FNDC1: variants seen among roughly 807,000 people sequenced by gnomAD.
FNDC1 encodes fibronectin type III domain-containing protein 1.
Under a neutral mutation model 168.0 loss-of-function variants are expected in FNDC1, and 96 were observed. That is an observed-to-expected ratio of 0.57 (90% CI 0.48 to 0.68). FNDC1 has a LOEUF of 0.68. FNDC1 is among the 30% of genes least tolerant of loss of function. The pLI, the probability that FNDC1 is intolerant of heterozygous loss-of-function variation, is 0.00. For missense variants in FNDC1, 2,587 were observed against 2,482.1 expected, an observed-to-expected ratio of 1.04 and a Z score of -0.90; for synonymous variants, 1,099 against 1,025.9, an observed-to-expected ratio of 1.07 and a Z score of -1.36.
At chr6:159,214,782 C>T (rs1241466828) in intron 4 of FNDC1, among the ~76,000 whole-genome samples, 163 bp from the exon 5 acceptor site, 1 of 152,108 alleles carries the variant, frequency 6.6e-6, no homozygotes, top group Non-Finnish European at 1.5e-5. Context: ...AGTATTGATA[C>T]CCTTGGGGGA....
chr6:159,191,962 C>CA (rs1782151189), intron 1 of FNDC1, among the ~76,000 whole-genome samples: 1 of 152,130 alleles, frequency 6.6e-6, no homozygotes, highest in African/African-American at 2.4e-5. Flanking sequence ...CCTGCCCTCC[C>CA]AGGCTCAAGC....
At chr6:159,209,075 G>A (rs562744267) in intron 4 of FNDC1, among the ~76,000 whole-genome samples, 2 of 152,224 alleles carry the variant, frequency 1.3e-5, no homozygotes, top group Non-Finnish European at 2.9e-5. Context: ...CCGAACTCCC[G>A]ACCTCAGGAG....
rs540365789 is a variant in FNDC1, at chr6:159,245,680, C to T, written c.4622-1221C>T. The stretch of plus-strand genomic sequence containing the variant: ...AGATGCCTTTTATGCTTAAATCACT[C>T]ACCTTTCTTAAATCACTCATATGTT... On this transcript the variant is annotated intron_variant, in intron 14 of 22. Coordinates refer to ENST00000297267, the MANE Select transcript of FNDC1 (RefSeq NM_032532.3). 8.6e-4 allele frequency among the ~76,000 whole-genome samples: 131 copies of T among 152,292 alleles called. 1 individual carries two copies. The highest frequency in any genetic ancestry group is 6.4e-3 in the South Asian group (31 of 4,822).
In FNDC1 at chr6:159,234,216, G is replaced by A. The variant is rs746426012; in HGVS notation, c.3704G>A (p.Gly1235Glu). ...EPAIALAPRG[G>E]SLAPVKRPLP... ...GCCATCGCGCTTGCCCCTCGCGGAGGGAGCCTGGCTCCTGTGAAGCGACCT... is the reference window on the plus strand; with the variant it reads ...GCCATCGCGCTTGCCCCTCGCGGAGAGAGCCTGGCTCCTGTGAAGCGACCT... Residue 1235 changes from glycine to glutamate, a missense_variant, in exon 11 of 23, where the codon GGG becomes GAG. Gly to Glu is a moderately conservative substitution (Grantham distance 98). Transcript: ENST00000297267. 7.5e-6 allele frequency: 12 copies of A among 1,595,240 alleles called. No homozygotes were observed. The African/African-American group carries it at 8.0e-5, about 11-fold the overall frequency.
intron 2 of FNDC1, among the ~76,000 whole-genome samples, chr6:159,198,226 T>G (rs572148023): frequency 3.3e-5 from 5 of 152,364 alleles, no homozygotes; most frequent in Non-Finnish European, 5.9e-5. Flanking sequence ...TGTCTTCTAT[T>G]TTTGATTCCA....
intron 14 of FNDC1, among the ~76,000 whole-genome samples, chr6:159,245,544 T>C (rs1380347009): frequency 6.6e-6 from 1 of 152,150 alleles, no homozygotes; most frequent in Non-Finnish European, 1.5e-5. Context: ...AGTGAGATGT[T>C]CTCCTTTTTA....
chr6:159,198,600 AT>A (rs1228605824), intron 2 of FNDC1, among the ~76,000 whole-genome samples: 1 of 152,204 alleles, frequency 6.6e-6, no homozygotes, highest in Non-Finnish European at 1.5e-5. Flanking sequence ...TTAAATGGAG[AT>A]TCTATCAGAT....
intron 11 of FNDC1, among the ~76,000 whole-genome samples, chr6:159,234,971 T>TGTCTTTATCTTGTTCTC (rs1180128755): frequency 1.3e-5 from 2 of 152,378 alleles, no homozygotes; most frequent in East Asian, 3.9e-4. Flanking sequence ...ATCTTGTTCT[T>TGTCTTTATCTTGTTCTC]GTCTTTATCT....
chr6:159,238,430 A>T, intron 12 of FNDC1, 124 bp from the exon 13 acceptor site: 1 of 627,870 alleles, frequency 1.6e-6, no homozygotes, highest in Non-Finnish European at 2.7e-6. Flanking sequence ...GACAAAAAGA[A>T]TGTCTTCTAC....
chr6:159,250,060 C>T (rs211494), intron 16 of FNDC1, among the ~76,000 whole-genome samples: 82,042 of 152,120 alleles, frequency 0.54, 25,468 homozygotes, highest in Non-Finnish European at 0.69. Context: ...ACTTCTCTCC[C>T]GGCAGTTCCA....
At chr6:159,251,265 T>G (rs1178489451) in intron 16 of FNDC1, 37 bp from the exon 17 acceptor site, 4 of 1,525,332 alleles carry the variant, frequency 2.6e-6, no homozygotes, top group Admixed American at 3.5e-5. Context: ...AGAAAAAGCC[T>G]CCAGCAATCC....
At chr6:159,224,819 A>G (rs542437507) in intron 7 of FNDC1, among the ~76,000 whole-genome samples, 1 of 152,370 alleles carries the variant, frequency 6.6e-6, no homozygotes, top group South Asian at 2.1e-4. Context: ...AAGAGGCCAC[A>G]AAGACAATTT....
intron 1 of FNDC1, among the ~76,000 whole-genome samples, chr6:159,191,637 G>A (rs1482895020): frequency 1.3e-5 from 2 of 152,148 alleles, no homozygotes. Context: ...AAAAATGTAA[G>A]CATGCTTATC....
At chr6:159,182,451 C>G (rs947417716) in intron 1 of FNDC1, among the ~76,000 whole-genome samples, 4 of 152,284 alleles carry the variant, frequency 2.6e-5, no homozygotes, top group African/African-American at 7.2e-5. Context: ...TGGGGAAAAT[C>G]TCTAGTAAAA....
At chr6:159,239,244 C>T (rs1783343170) in intron 13 of FNDC1, among the ~76,000 whole-genome samples, 1 of 152,148 alleles carries the variant, frequency 6.6e-6, no homozygotes, top group Non-Finnish European at 1.5e-5. Flanking sequence ...CTTCCTGGCC[C>T]TTTACAGAAG....
intron 5 of FNDC1, among the ~76,000 whole-genome samples, chr6:159,218,131 A>T (rs1225018748): frequency 6.6e-6 from 1 of 152,188 alleles, no homozygotes; most frequent in Non-Finnish European, 1.5e-5. Flanking sequence ...AACGGCACAC[A>T]CTAAAGTGGC....
In FNDC1 at chr6:159,251,456, C is replaced by T. The variant is rs772691654; in HGVS notation, c.4989C>T (p.Thr1663=). The change falls in exon 17 of 23, where the codon ACC becomes ACT. Residue 1663 remains threonine (T), a synonymous_variant. Coordinates refer to ENST00000297267, the MANE Select transcript of FNDC1 (RefSeq NM_032532.3). ...CCCAGCATGCTCCCCGCAACATCAC[C>T]GTGGTGGCCGTGGAAGGTTGCCACT... The part of the protein sequence containing the change: ...LPPQHAPRNI[T]VVAVEGCHSF... 5.1e-5 allele frequency: 83 copies of T among 1,613,948 alleles called. No individual in the cohort carries two copies. The highest frequency in any genetic ancestry group is 6.8e-5 in the Non-Finnish European group (80 of 1,179,880).
In FNDC1 at chr6:159,222,173, G is replaced by A. The variant is rs1441099044; in HGVS notation, c.766+477G>A. On this transcript the variant is annotated intron_variant, in intron 6 of 22. Coordinates refer to ENST00000297267, the MANE Select transcript of FNDC1 (RefSeq NM_032532.3). Reference sequence around the variant, plus strand: ...CTGAGAGCCTGATCATTGTCCACACGGTTACATTTCCCACGTCCCTTCACA... The same window carrying A: ...CTGAGAGCCTGATCATTGTCCACACAGTTACATTTCCCACGTCCCTTCACA... Among the ~76,000 whole-genome samples, 27 of 152,284 alleles carry A rather than the reference G, an allele frequency of 1.8e-4. 1 individual carries two copies. Among genetic ancestry groups the A allele is most frequent in the Admixed American group, 1.2e-3 (19 of 15,302 alleles).
intron 6 of FNDC1, 25 bp from the exon 7 acceptor site, chr6:159,223,503 T>C (rs1342445009): frequency 6.6e-7 from 1 of 1,521,690 alleles, no homozygotes; most frequent in East Asian, 2.3e-5. Flanking sequence ...AGAAAGCCTT[T>C]CTCTGGGTCT....
Sources: gnomAD v4.1 joint callset for allele counts (sites outside exome capture counted in the v4.1 genomes callset) on GRCh38, gnomAD v4.1.1 for gene constraint, MANE v1.5 for transcripts, NCBI Gene and HGNC (gene_info 2026-07-23, HGNC 2026-07-21) for gene names.